The following GPR149 variants were observed in gnomAD, a reference collection of about 807,000 sequenced individuals.
GPR149 encodes the protein G protein-coupled receptor 149, also known as probable G protein-coupled receptor 149.
A neutral mutation model predicts 50.2 loss-of-function variants in GPR149; 50 were observed. The ratio of observed to expected loss-of-function variants is 1.00; its 90% confidence interval spans 0.79 to 1.26. The LOEUF (loss-of-function observed/expected upper bound fraction) is 1.26, where lower values mean the gene tolerates loss of function less well. Among genes scored for constraint, GPR149 ranks in the 50% most tolerant of loss-of-function variants. The pLI is 0.00. For synonymous variants in GPR149, 405 were observed against 358.2 expected, an observed-to-expected ratio of 1.13 and a Z score of -1.48; for missense variants, 983 against 895.4, an observed-to-expected ratio of 1.10 and a Z score of -1.25.
chr3:154,425,409 C>A (rs76471188), intron 2 of GPR149, among the ~76,000 whole-genome samples: 2,006 of 152,102 alleles, frequency 0.013, 33 homozygotes, highest in African/African-American at 0.046. Flanking sequence ...AGCTGATCAA[C>A]CACCTGGCCC....
At chr3:154,373,811 A>AT (rs1350616461) in intron 3 of GPR149, among the ~76,000 whole-genome samples, 1 of 152,166 alleles carries the variant, frequency 6.6e-6, no homozygotes, top group African/African-American at 2.4e-5. Flanking sequence ...GATGTGTGAG[A>AT]TTTTAGGTAA....
At chr3:154,400,528 G>A (rs994560355) in intron 3 of GPR149, among the ~76,000 whole-genome samples, 1 of 152,208 alleles carries the variant, frequency 6.6e-6, no homozygotes, top group East Asian at 1.9e-4. Context: ...TATATGCAAA[G>A]AACTTTAAGA....
intron 3 of GPR149, among the ~76,000 whole-genome samples, chr3:154,403,857 G>T (rs544199157): frequency 1.3e-5 from 2 of 152,224 alleles, no homozygotes; most frequent in East Asian, 3.9e-4. Flanking sequence ...CTGCAAGATG[G>T]TCCTGTTCCA....
In GPR149 at chr3:154,413,056, G is replaced by T. The variant is rs2313689; in HGVS notation, c.1623+7983C>A. 7.9e-5 allele frequency among the ~76,000 whole-genome samples: 12 copies of T among 152,166 alleles called. No homozygotes were observed. In the South Asian group the frequency reaches 1.5e-3, roughly 18 times the overall value. On this transcript the variant is annotated intron_variant, in intron 3 of 3. Coordinates refer to ENST00000389740, the MANE Select transcript of GPR149 (RefSeq NM_001038705.3). The stretch of plus-strand genomic sequence containing the variant: ...AAACAAAAACATAAAGTGGGGAAAA[G>T]ATACCCTATTCAACAAATGGTGCTG...
intron 3 of GPR149, among the ~76,000 whole-genome samples, chr3:154,373,937 G>A (rs1397524361): frequency 6.6e-6 from 1 of 151,986 alleles, no homozygotes; most frequent in Non-Finnish European, 1.5e-5. Context: ...ATGGATGAAA[G>A]CAAAATGGGA....
intron 3 of GPR149, among the ~76,000 whole-genome samples, chr3:154,392,009 A>G (rs575853242): frequency 6.7e-6 from 1 of 150,162 alleles, no homozygotes; most frequent in African/African-American, 2.4e-5. Context: ...GAGCACTTAA[A>G]TATACAATGC....
At chr3:154,427,840 G>A in intron 1 of GPR149, 132 bp from the exon 2 acceptor site, 1 of 853,368 alleles carries the variant, frequency 1.2e-6, no homozygotes. Context: ...CCTCTGCTAC[G>A]GAGCTGGCTC....
chr3:154,403,192 G>A (rs1433828238), intron 3 of GPR149, among the ~76,000 whole-genome samples: 2 of 152,122 alleles, frequency 1.3e-5, no homozygotes, highest in African/African-American at 4.8e-5. Flanking sequence ...ACAAATTTTG[G>A]TATCATAGTA....
chr3:154,403,297 G>A (rs187816433), intron 3 of GPR149, among the ~76,000 whole-genome samples: 1 of 152,164 alleles, frequency 6.6e-6, no homozygotes, highest in Non-Finnish European at 1.5e-5. Flanking sequence ...AAGGAAGCAG[G>A]ATGAAATTTA....
chr3:154,353,093 A>G (rs1714123436), intron 3 of GPR149: 1 of 1,444,020 alleles, frequency 6.9e-7, no homozygotes, highest in East Asian at 2.3e-5. Flanking sequence ...AACACTGGGC[A>G]TTCTGTTTTA....
rs1305994975 is a variant in GPR149, at chr3:154,429,767, T to G, written c.-152A>C. 3.1e-6 allele frequency: 2 copies of G among 640,244 alleles called. No individual in the cohort carries two copies. Among genetic ancestry groups the G allele is most frequent in the Non-Finnish European group, 5.4e-6 (2 of 367,816 alleles). The allele number at this position is 640,244 out of a possible 1,614,324, so 39.7% of individuals were successfully genotyped here. On this transcript the variant is annotated 5_prime_UTR_variant, in exon 1 of 4. Transcript: ENST00000389740. The stretch of plus-strand genomic sequence containing the variant: ...GTCCTGCAGAAAATGGTCAGCCATG[T>G]CTCCTTTAGATCTGACTCAAGCTAT...
rs764926533 is a variant in GPR149 at position 154,429,059 on chromosome 3, C to G, written c.557G>C (p.Cys186Ser). The G allele has an allele frequency of 1.9e-6, 3 of 1,613,802 alleles. No homozygotes were observed. The highest frequency in any genetic ancestry group is 2.5e-6 in the Non-Finnish European group (3 of 1,180,010). ...GAGGAATAGTACGTAGGAGCTGGAG[C>G]AGTCCACCAGGCAGCCCCAGGGCGT... is the stretch of plus-strand genomic sequence containing the variant. ...VRTPWGCLVD[C>S]SSSYVLFLSI... is the part of the protein sequence containing the mutation. Residue 186 changes from cysteine (C) to serine (S), a missense_variant, in exon 1 of 4, where the codon TGC (cysteine) becomes TCC (serine). Coordinates refer to ENST00000389740, the MANE Select transcript of GPR149 (RefSeq NM_001038705.3).
chr3:154,409,310 A>G (rs1322568016), intron 3 of GPR149, among the ~76,000 whole-genome samples: 1 of 152,196 alleles, frequency 6.6e-6, no homozygotes, highest in African/African-American at 2.4e-5. Context: ...GTAATATGAC[A>G]GAACAAGTTT....
chr3:154,387,381 C>T (rs925070469), intron 3 of GPR149, among the ~76,000 whole-genome samples: 3 of 152,150 alleles, frequency 2.0e-5, no homozygotes, highest in African/African-American at 7.2e-5. Flanking sequence ...AGGGCTTGGT[C>T]TTATTTGGCA....
intron 3 of GPR149, among the ~76,000 whole-genome samples, chr3:154,347,985 C>A (rs1363062747): frequency 6.6e-6 from 1 of 152,204 alleles, no homozygotes; most frequent in East Asian, 1.9e-4. Context: ...GAGTCACTAT[C>A]TCTATAATCC....
intron 3 of GPR149, among the ~76,000 whole-genome samples, chr3:154,361,556 T>C (rs1714401061): frequency 6.6e-6 from 1 of 152,216 alleles, no homozygotes; most frequent in African/African-American, 2.4e-5. Flanking sequence ...TATGCACTAA[T>C]GTATATTTTA....
At chr3:154,400,514 G>A (rs1711527765) in intron 3 of GPR149, among the ~76,000 whole-genome samples, 1 of 152,062 alleles carries the variant, frequency 6.6e-6, no homozygotes, top group Admixed American at 6.5e-5. Context: ...AAACCAAGGA[G>A]CTTTATATGC....
intron 3 of GPR149, chr3:154,353,623 G>A: frequency 7.5e-7 from 1 of 1,335,924 alleles, no homozygotes; most frequent in Non-Finnish European, 1.1e-6. Context: ...ACCATGCTGA[G>A]TTTCCTAGTT....
chr3:154,419,828 G>C (rs886309929), intron 3 of GPR149, among the ~76,000 whole-genome samples: 6 of 151,916 alleles, frequency 3.9e-5, no homozygotes, highest in African/African-American at 1.4e-4. Context: ...TCTTAGCTAG[G>C]GAAACACATT....
Sources: gnomAD v4.1 joint callset for allele counts (sites outside exome capture counted in the v4.1 genomes callset) on GRCh38, gnomAD v4.1.1 for gene constraint, MANE v1.5 for transcripts, NCBI Gene and HGNC (gene_info 2026-07-23, HGNC 2026-07-21) for gene names.